Variants in RBFOX1 observed in about 807,000 individuals in gnomAD.
RBFOX1 encodes RNA binding fox-1 homolog 1, also known as RNA binding protein fox-1 homolog 1.
In RBFOX1, 8 loss-of-function variants were observed where a neutral mutation model predicts 57.7. The ratio of observed to expected loss-of-function variants is 0.14; its 90% CI spans 0.08 to 0.25. The LOEUF is 0.25. RBFOX1 is among the 10% of genes least tolerant of loss of function. The pLI, the probability that RBFOX1 is intolerant of heterozygous loss-of-function variation, is 1.00. For missense variants in RBFOX1, 611 were observed against 548.5 expected (o/e 1.11, Z -1.14); for synonymous variants, 326 against 222.4 (o/e 1.47, Z -4.15).
intron 4 of RBFOX1, among the ~76,000 whole-genome samples, chr16:7,095,221 C>G (rs1392385161): frequency 6.6e-6 from 1 of 152,140 alleles, no homozygotes; most frequent in African/African-American, 2.4e-5. Context: ...ACTGCAACCT[C>G]CGCCTCCCAG....
At chr16:6,409,762 C>G (rs1418894955) in intron 2 of RBFOX1, among the ~76,000 whole-genome samples, 1 of 152,186 alleles carries the variant, frequency 6.6e-6, no homozygotes, top group African/African-American at 2.4e-5. Flanking sequence ...TCTTCCGAAG[C>G]TGAGGGAAAA....
At chr16:6,715,170 C>A (rs1008808762) in intron 3 of RBFOX1, among the ~76,000 whole-genome samples, 1 of 152,110 alleles carries the variant, frequency 6.6e-6, no homozygotes, top group Non-Finnish European at 1.5e-5. Context: ...TTAAGAAACC[C>A]TCCTCACTCA....
At chr16:6,452,967 A>G (rs1026345380) in intron 2 of RBFOX1, among the ~76,000 whole-genome samples, 8 of 152,186 alleles carry the variant, frequency 5.3e-5, no homozygotes, top group Non-Finnish European at 4.4e-5. Context: ...TAACTTCTGT[A>G]TGATGTTCAG....
chr16:7,602,802 C>G (rs1424307215), intron 9 of RBFOX1, among the ~76,000 whole-genome samples: 1 of 152,154 alleles, frequency 6.6e-6, no homozygotes, highest in African/African-American at 2.4e-5. Flanking sequence ...CATCAACACA[C>G]GGAACATTGT....
At chr16:5,814,057 A>G (rs1195182992) in intron 3 of RBFOX1, among the ~76,000 whole-genome samples, 2 of 152,224 alleles carry the variant, frequency 1.3e-5, no homozygotes, top group East Asian at 3.8e-4. Flanking sequence ...AGTTATTATT[A>G]CTAATGTCAG....
intron 4 of RBFOX1, among the ~76,000 whole-genome samples, chr16:5,922,982 G>A (rs1394444696): frequency 1.3e-5 from 2 of 152,198 alleles, no homozygotes. Flanking sequence ...AGGATGTGGA[G>A]GACAGAGAAA....
At chr16:7,033,096 G>A (rs181515107) in intron 3 of RBFOX1, among the ~76,000 whole-genome samples, 1 of 152,308 alleles carries the variant, frequency 6.6e-6, no homozygotes. Context: ...TCTCCTCTTG[G>A]GCTGAGTGGG....
chr16:6,669,334 G>A (rs1325978497), intron 3 of RBFOX1, among the ~76,000 whole-genome samples: 4 of 152,116 alleles, frequency 2.6e-5, no homozygotes, highest in Admixed American at 2.0e-4. Context: ...TTTTTATCAA[G>A]TTACAAGGCT....
intron 3 of RBFOX1, among the ~76,000 whole-genome samples, chr16:6,670,320 T>C (rs1021827981): frequency 6.6e-6 from 1 of 152,168 alleles, no homozygotes; most frequent in Admixed American, 6.5e-5. Context: ...TCCTTCCATC[T>C]TGGTCTCCCA....
At chr16:5,969,827 G>C (rs187023628) in intron 4 of RBFOX1, among the ~76,000 whole-genome samples, 1 of 151,422 alleles carries the variant, frequency 6.6e-6, no homozygotes, top group African/African-American at 2.4e-5. Context: ...TTTTGCTGCT[G>C]ACTTCCAGCA....
chr16:5,896,611 C>T (rs1346788905), intron 4 of RBFOX1, among the ~76,000 whole-genome samples: 1 of 152,164 alleles, frequency 6.6e-6, no homozygotes, highest in Non-Finnish European at 1.5e-5. Flanking sequence ...TTTCTTTATA[C>T]ATTACCCAGC....
chr16:7,197,186 G>C lies in RBFOX1; in HGVS notation c.27+145088G>C, dbSNP rs752562398. Among the ~76,000 whole-genome samples, 4 of 152,118 alleles carry C rather than the reference G, an allele frequency of 2.6e-5. No individual in the cohort carries two copies. The East Asian group carries it at 7.7e-4, about 29-fold the overall frequency. On this transcript the variant is annotated intron_variant, in intron 4 of 15. Coordinates refer to ENST00000550418, the MANE Select transcript of RBFOX1 (RefSeq NM_018723.4). ...GGTTTCTCCAGGCTGTTGAAACTAA[G>C]TACAGATGTGGCTCTTCCAAGCCTC...
At chr16:7,281,565 C>T (rs2095544314) in intron 4 of RBFOX1, among the ~76,000 whole-genome samples, 1 of 152,214 alleles carries the variant, frequency 6.6e-6, no homozygotes, top group Non-Finnish European at 1.5e-5. Flanking sequence ...TTCTTATTAG[C>T]ATTGTCTGGG....
chr16:6,074,201 G>T (rs1481595015), intron 1 of RBFOX1, among the ~76,000 whole-genome samples: 8 of 152,134 alleles, frequency 5.3e-5, no homozygotes, highest in Non-Finnish European at 1.0e-4. Context: ...GCCCGCCTCA[G>T]CCTACCAAAG....
intron 14 of RBFOX1, among the ~76,000 whole-genome samples, chr16:7,697,143 A>C (rs1015417674): frequency 1.3e-5 from 2 of 152,186 alleles, no homozygotes; most frequent in Non-Finnish European, 2.9e-5. Flanking sequence ...AGAACAGAAG[A>C]AACAGCACCG....
intron 5 of RBFOX1, among the ~76,000 whole-genome samples, chr16:7,555,023 G>C (rs2087875523): frequency 6.6e-6 from 1 of 152,090 alleles, no homozygotes; most frequent in Non-Finnish European, 1.5e-5. Context: ...AAAATACCTG[G>C]TAATTGTTTT....
chr16:7,426,688 C>T (rs570665523), intron 4 of RBFOX1, among the ~76,000 whole-genome samples: 1 of 152,254 alleles, frequency 6.6e-6, no homozygotes, highest in African/African-American at 2.4e-5. Flanking sequence ...TGATGCGTTG[C>T]ATATTTTATC....
At chr16:5,410,279 G>A (rs1016207603) in intron 1 of RBFOX1, among the ~76,000 whole-genome samples, 1 of 151,856 alleles carries the variant, frequency 6.6e-6, no homozygotes, top group Non-Finnish European at 1.5e-5. Flanking sequence ...GCTGAGGCAG[G>A]AGAATCACCT....
intron 3 of RBFOX1, among the ~76,000 whole-genome samples, chr16:6,657,445 C>T (rs140123126): frequency 6.6e-6 from 1 of 152,016 alleles, no homozygotes; most frequent in Admixed American, 6.6e-5. Flanking sequence ...ACAGCTCCAT[C>T]CCCCTCCCTC....
Sources: allele counts gnomAD v4.1 joint callset (sites outside exome capture counted in the v4.1 genomes callset), GRCh38; gene constraint gnomAD v4.1.1; transcripts MANE v1.5; gene names NCBI Gene and HGNC (gene_info 2026-07-23, HGNC 2026-07-21).